Variants in HTT observed in about 807,000 individuals in gnomAD.
The protein encoded by HTT is huntington disease protein.
HTT carries 104 observed loss-of-function variants against 362.3 expected under a neutral mutation model. That is an observed-to-expected ratio of 0.29 (90% CI 0.24 to 0.34). HTT has a LOEUF of 0.34. Ranked by LOEUF, HTT falls within the 10% of genes least tolerant of loss-of-function variation. HTT has a pLI of 1.00. For missense variants in HTT, 3,301 were observed against 3,928.6 expected (o/e 0.84, Z 4.27); for synonymous variants, 1,577 against 1,548.7 (o/e 1.02, Z -0.43).
At chr4:3,219,275 AG>A (rs1720566863) in intron 52 of HTT, among the ~76,000 whole-genome samples, 1 of 152,048 alleles carries the variant, frequency 6.6e-6, no homozygotes, top group Admixed American at 6.5e-5. Context: ...GCTCCTTTGG[AG>A]GGGCTCGTGG....
chr4:3,235,840 T>C, intron 63 of HTT, 62 bp downstream of exon 63: 1 of 1,333,120 alleles, frequency 7.5e-7, no homozygotes, highest in East Asian at 2.4e-5. Context: ...GGCAGGAGCA[T>C]GCTCACTCAA....
intron 1 of HTT, among the ~76,000 whole-genome samples, chr4:3,075,772 G>T (rs764808742): frequency 1.3e-5 from 2 of 152,044 alleles, no homozygotes; most frequent in African/African-American, 4.8e-5. Context: ...TCATGATCAC[G>T]GTGGTAGTAA....
chr4:3,075,045 C>A lies in HTT; in HGVS notation c.220C>A (p.Pro74Thr). The A allele has an allele frequency of 2.4e-6, 3 of 1,249,748 alleles. No homozygotes were observed. In the South Asian group the frequency reaches 1.1e-4, roughly 46 times the overall value. The allele number at this position is 1,249,748 out of a possible 1,614,324, so 77.4% of individuals were successfully genotyped here. A position where few individuals can be genotyped will look rare whatever the true frequency, so the allele number is the denominator to read the frequency against. The change falls in exon 1 of 67, where the codon CCG (proline) becomes ACG (threonine). Residue 74 changes from proline (P) to threonine (T), a missense_variant. Pro to Thr is a conservative substitution (Grantham distance 38). Coordinates refer to ENST00000355072, the MANE Select transcript of HTT (RefSeq NM_001388492.1). ...GCAGCCGCCCCCGCCGCCGCCCCCG[C>A]CGCCACCCGGCCCGGCTGTGGCTGA... is the stretch of plus-strand genomic sequence containing the variant. ...QPQPPPPPPP[P>T]PPGPAVAEEP...
chr4:3,204,621 G>A (rs573911326), intron 42 of HTT, among the ~76,000 whole-genome samples: 56 of 152,172 alleles, frequency 3.7e-4, no homozygotes, highest in Non-Finnish European at 7.9e-4. Flanking sequence ...GAGCCCAGGA[G>A]TTTGAGACAA....
chr4:3,158,369 C>T (rs965940017), intron 28 of HTT, among the ~76,000 whole-genome samples: 2 of 152,076 alleles, frequency 1.3e-5, no homozygotes, highest in Non-Finnish European at 2.9e-5. Context: ...TCTGGATATT[C>T]TTCTTTATTG....
At chr4:3,126,201 C>T (rs909133160) in intron 11 of HTT, among the ~76,000 whole-genome samples, 6 of 152,014 alleles carry the variant, frequency 3.9e-5, no homozygotes, top group East Asian at 1.9e-4. Context: ...TACAGGTGCC[C>T]GCCACCACGC....
intron 36 of HTT, among the ~76,000 whole-genome samples, chr4:3,180,994 C>T (rs1718498472): frequency 6.6e-6 from 1 of 151,694 alleles, no homozygotes; most frequent in African/African-American, 2.4e-5. Context: ...CTCCTGCCTC[C>T]ACCTCCCGAG....
intron 37 of HTT, 36 bp from the exon 38 acceptor site, chr4:3,186,559 GGC>G: frequency 7.1e-7 from 1 of 1,401,588 alleles, no homozygotes. Context: ...CGTTTCTTTT[GGC>G]TTACGTAGAA....
chr4:3,087,105 C>T, intron 2 of HTT, 83 bp downstream of exon 2: 4 of 711,798 alleles, frequency 5.6e-6, no homozygotes, highest in Non-Finnish European at 9.6e-6. Context: ...CTTTGTGTCC[C>T]AGCTATTTTA....
chr4:3,215,420 A>G (rs1363858171), intron 51 of HTT, among the ~76,000 whole-genome samples: 1 of 152,134 alleles, frequency 6.6e-6, no homozygotes, highest in African/African-American at 2.4e-5. Flanking sequence ...ATCCGTACAC[A>G]TGCGGCTGTC....
intron 2 of HTT, among the ~76,000 whole-genome samples, chr4:3,092,953 G>C (rs1713592381): frequency 6.6e-6 from 1 of 152,164 alleles, no homozygotes; most frequent in South Asian, 2.1e-4. Flanking sequence ...ATGGCAAGAG[G>C]AAAAACTGAG....
intron 26 of HTT, among the ~76,000 whole-genome samples, chr4:3,148,479 C>G (rs1212557513): frequency 1.3e-5 from 2 of 152,016 alleles, no homozygotes; most frequent in Non-Finnish European, 2.9e-5. Context: ...TCACGAAACC[C>G]CCTCTCTACT....
rs1220740592 is a variant in HTT, at chr4:3,228,014, T to C, written c.7849-601T>C. 6.6e-6 allele frequency among the ~76,000 whole-genome samples: 1 copy of C among 152,112 alleles called. No individual in the cohort carries two copies. Among genetic ancestry groups the C allele is most frequent in the Non-Finnish European group, 1.5e-5 (1 of 67,990 alleles). ...AGGGTGCTGGGTCCCAGGGGGGAAA[T>C]GGCCCTTGGTGCCAAGAACGTGAGT... On this transcript the variant is annotated intron_variant, in intron 57 of 66. Transcript: ENST00000355072. This position sits in a 1 kb window ranked among gnomAD's most constrained non-coding sequence, Gnocchi z 4.3.
chr4:3,209,438 A>C (rs1412323914), intron 46 of HTT, among the ~76,000 whole-genome samples: 1 of 152,236 alleles, frequency 6.6e-6, no homozygotes, highest in Non-Finnish European at 1.5e-5. Flanking sequence ...CCCAAGTATA[A>C]GAAAGCGAAG....
chr4:3,106,740 A>G (rs1578503371), intron 5 of HTT, among the ~76,000 whole-genome samples: 1 of 152,010 alleles, frequency 6.6e-6, no homozygotes. Context: ...AGGTTTCCCC[A>G]GCCACCCTCT....
At chr4:3,202,817 G>T (rs772968303) in intron 41 of HTT, among the ~76,000 whole-genome samples, 1 of 152,076 alleles carries the variant, frequency 6.6e-6, no homozygotes, top group Non-Finnish European at 1.5e-5. Context: ...TTCAAGACTA[G>T]CCTGGGCTGC....
intron 40 of HTT, among the ~76,000 whole-genome samples, chr4:3,192,859 G>T (rs752055102): frequency 6.8e-4 from 104 of 152,190 alleles, no homozygotes; most frequent in Non-Finnish European, 1.2e-3. Flanking sequence ...TACTCTTGGC[G>T]TGGCCCGCCT....
At chr4:3,229,302 CCACACACA>C (rs35275647) in intron 59 of HTT, among the ~76,000 whole-genome samples, 2 of 140,768 alleles carry the variant, frequency 1.4e-5, no homozygotes, top group South Asian at 2.3e-4. Flanking sequence ...CATGCATGCA[CCACACACA>C]CACACACACA....
chr4:3,099,278 T>G lies in HTT; in HGVS notation c.352T>G (p.Ser118Ala). Reference protein sequence around the residue: ...ENIVAQSVRNSPEFQKLLGIA... With the variant: ...ENIVAQSVRNAPEFQKLLGIA... ...TTCTCTTCTTTTTTTGCTTAGAAAT[T>G]CTCCAGAATTTCAGAAACTTCTGGG... is the stretch of plus-strand genomic sequence containing the variant. The change falls in exon 3 of 67, where the codon TCT becomes GCT. Residue 118 changes from serine (S) to alanine (A), a missense_variant. Physicochemically the swap from Ser to Ala is moderately conservative, Grantham distance 99. This residue lies in a region of HTT where 2,316 missense variants were observed against 2,658.5 expected (regional missense o/e 0.87). Transcript: ENST00000355072. 1 of 1,612,432 alleles carries G rather than the reference T, an allele frequency of 6.2e-7. No individual in the cohort carries two copies.
Sources: allele counts gnomAD v4.1 joint callset (sites outside exome capture counted in the v4.1 genomes callset), GRCh38; gene constraint gnomAD v4.1.1; regional missense constraint gnomAD v4.1.1; non-coding constraint Gnocchi (gnomAD v3.1); transcripts MANE v1.5; gene names NCBI Gene and HGNC (gene_info 2026-07-23, HGNC 2026-07-21).